Variants in CHM observed in about 807,000 individuals in gnomAD.
The protein encoded by CHM is rab proteins geranylgeranyltransferase component A 1.
Under a neutral mutation model 49.0 loss-of-function variants are expected in CHM, and 10 were observed. The observed-to-expected ratio is 0.20, with a 90% CI of 0.13 to 0.35. The LOEUF is 0.35. Ranked by LOEUF, CHM falls within the 10% of genes least tolerant of loss-of-function variation. The probability of loss-of-function intolerance (pLI) is 1.00; values close to 1 mark genes in which losing one functional copy is unlikely to be tolerated. For missense variants in CHM, 455 were observed against 478.4 expected, an observed-to-expected ratio of 0.95 and a Z score of 0.46; for synonymous variants, 184 against 167.5, an observed-to-expected ratio of 1.10 and a Z score of -0.76.
chrX:86,014,256 A>G (rs1206136626), intron 2 of CHM, among the ~76,000 whole-genome samples: 1 of 112,158 alleles, frequency 8.9e-6, no homozygotes, highest in Non-Finnish European at 1.9e-5. Context: ...TAAAAAAACT[A>G]TATCGGCACT....
At chrX:86,025,408 G>A (rs903552867) in intron 2 of CHM, among the ~76,000 whole-genome samples, 1 of 110,988 alleles carries the variant, frequency 9.0e-6, no homozygotes, top group Non-Finnish European at 1.9e-5. Context: ...CACAAAATAG[G>A]CCAGGTACGG....
intron 2 of CHM, among the ~76,000 whole-genome samples, chrX:86,013,126 CAG>C (rs1044954204): frequency 9.0e-6 from 1 of 111,676 alleles, no homozygotes; most frequent in African/African-American, 3.3e-5. Context: ...GCCATACTGA[CAG>C]AGAGAGAGAA....
chrX:86,027,434 T>C (rs1032051921), intron 2 of CHM, 57 bp downstream of exon 2: 108 of 972,265 alleles, frequency 1.1e-4, no homozygotes, highest in Non-Finnish European at 1.5e-4. Context: ...TTATGTAAAT[T>C]TTAATCCTGT....
chrX:85,978,776 C>T lies in CHM; in HGVS notation c.305G>A (p.Cys102Tyr), dbSNP rs1931430744. 5.0e-6 allele frequency: 6 copies of T among 1,203,871 alleles called. No homozygotes were observed. The highest frequency in any genetic ancestry group is 6.7e-6 in the Non-Finnish European group (6 of 890,043). Reference sequence around the variant, plus strand: ...TAAATACTTTTCATACCTGGCATAACAAAATACTTCCACATGTTGAATAGT... The same window carrying T: ...TAAATACTTTTCATACCTGGCATAATAAAATACTTCCACATGTTGAATAGT... ...DKTIQHVEVF[C>Y]YASQDLHEDV... Residue 102 changes from cysteine (C) to tyrosine (Y), a missense_variant, in exon 4 of 15, where the codon TGT becomes TAT. Transcript: ENST00000357749.
chrX:85,925,725 A>G (rs766498331), intron 8 of CHM, among the ~76,000 whole-genome samples: 7 of 111,907 alleles, frequency 6.3e-5, no homozygotes, highest in African/African-American at 2.3e-4. Context: ...CAAATTGTAC[A>G]AATAACATAA....
chrX:85,979,166 A>G (rs1355060403), intron 3 of CHM, among the ~76,000 whole-genome samples: 2 of 112,127 alleles, frequency 1.8e-5, no homozygotes, highest in East Asian at 5.6e-4. Context: ...TCATTCGGAC[A>G]TGGCTGTTTG....
At chrX:86,042,205 A>G (rs1480809087) in intron 1 of CHM, among the ~76,000 whole-genome samples, 2 of 111,435 alleles carry the variant, frequency 1.8e-5, no homozygotes, top group African/African-American at 6.5e-5. Context: ...ACATCCCAAC[A>G]TCAAGGAAAG....
In CHM at chrX:85,957,989, T is replaced by C. The variant is rs749712384; in HGVS notation, c.820-14A>G. ...GGAACACGGAACCTGAAAAATATTA[T>C]GATTTTAAGTTAAGAAACTGCTTCC... On this transcript the variant is annotated splice_polypyrimidine_tract_variant and intron_variant, in intron 6 of 14. Transcript: ENST00000357749. 3.6e-5 allele frequency: 43 copies of C among 1,206,255 alleles called. No homozygotes were observed. The highest frequency in any genetic ancestry group is 4.6e-5 in the Non-Finnish European group (41 of 892,430).
intron 1 of CHM, among the ~76,000 whole-genome samples, chrX:86,046,742 T>G (rs1934663292): frequency 8.9e-6 from 1 of 111,983 alleles, no homozygotes; most frequent in Admixed American, 9.4e-5. Context: ...CAGAGGAGTT[T>G]CTGGTTCCAC....
chrX:85,949,993 A>ATAGATATATATATATT, intron 8 of CHM, among the ~76,000 whole-genome samples: 1 of 83,884 alleles, frequency 1.2e-5, no homozygotes, highest in Middle Eastern at 6.1e-3. Flanking sequence ...ATATATATAT[A>ATAGATATATATATATT]TATATATATA....
chrX:85,960,936 G>A (rs1438564928), intron 5 of CHM, among the ~76,000 whole-genome samples: 3 of 111,577 alleles, frequency 2.7e-5, no homozygotes, highest in Non-Finnish European at 5.6e-5. Context: ...ATTAGTCTGA[G>A]CAGTATGACA....
chrX:86,037,128 TTTTTTGAGACAGAG>T (rs1934280603), intron 1 of CHM, among the ~76,000 whole-genome samples: 1 of 100,266 alleles, frequency 1.0e-5, no homozygotes, highest in Non-Finnish European at 2.0e-5. Flanking sequence ...TTTTTTTTTT[TTTTTTGAGACAGAG>T]TTTCACTCTT....
At chrX:85,886,237 T>A (rs1925079000) in intron 12 of CHM, among the ~76,000 whole-genome samples, 1 of 112,032 alleles carries the variant, frequency 8.9e-6, no homozygotes, top group Admixed American at 9.5e-5. Context: ...AAGTGGGATG[T>A]TATGGCATAA....
rs960957445 is a variant in CHM at position 86,018,531 on chromosome X, A to C, written c.116+8960T>G. Among the ~76,000 whole-genome samples the C allele has an allele frequency of 2.7e-5, 3 of 112,111 alleles. No individual in the cohort carries two copies. The South Asian group carries it at 1.1e-3, about 41-fold the overall frequency. On this transcript the variant is annotated intron_variant, in intron 2 of 14. Transcript: ENST00000357749. ...TGACCCAGCAATTGTACTCCTAGAA[A>C]TTTATCCCAGAGAAATAAAAACTTA...
At chrX:85,879,524 AT>A (rs1924630537) in intron 12 of CHM, among the ~76,000 whole-genome samples, 1 of 112,078 alleles carries the variant, frequency 8.9e-6, no homozygotes, top group East Asian at 2.8e-4. Flanking sequence ...TTGAAAGCAC[AT>A]AAAACGGCAT....
intron 1 of CHM, among the ~76,000 whole-genome samples, chrX:86,043,409 CTT>C (rs374685830): frequency 3.0e-5 from 3 of 100,844 alleles, no homozygotes. Context: ...AGCAATAAAA[CTT>C]TTTTTTTTTT....
intron 3 of CHM, among the ~76,000 whole-genome samples, chrX:85,980,534 A>G (rs934160684): frequency 3.6e-5 from 4 of 112,408 alleles, no homozygotes; most frequent in South Asian, 3.7e-4. Flanking sequence ...GATTAAATCA[A>G]TCAATCAATG....
At chrX:85,954,906 AC>A (rs1396513960) in intron 8 of CHM, among the ~76,000 whole-genome samples, 4 of 109,327 alleles carry the variant, frequency 3.7e-5, no homozygotes, top group Non-Finnish European at 5.7e-5. Flanking sequence ...AAAAAAAAAA[AC>A]AAAAGAATGA....
In CHM at chrX:85,897,704, TG is replaced by T. The variant is rs1397245694; in HGVS notation, c.1413+2941del. ...AGGGAAAGGGGCTGTCTGAGGCCAG[TG>T]GAAGAACTGACTGGTGGTGTGTGCT... is the stretch of plus-strand genomic sequence containing the variant. On this transcript the variant is annotated intron_variant, in intron 11 of 14. Transcript: ENST00000357749. Among the ~76,000 whole-genome samples, 6 of 110,655 alleles carry T rather than the reference TG, an allele frequency of 5.4e-5. No homozygotes were observed. The East Asian group carries it at 1.7e-3, about 32-fold the overall frequency.
Sources: gnomAD v4.1 joint callset for allele counts (sites outside exome capture counted in the v4.1 genomes callset) on GRCh38, gnomAD v4.1.1 for gene constraint, MANE v1.5 for transcripts, NCBI Gene and HGNC (gene_info 2026-07-23, HGNC 2026-07-21) for gene names.